Variants in DMD observed in about 807,000 individuals in gnomAD.
The protein encoded by DMD is dystrophin, also known as mutant dystrophin.
Under a neutral mutation model 330.1 loss-of-function variants are expected in DMD, and 63 were observed. That is an observed-to-expected ratio of 0.19 (90% CI 0.16 to 0.24). The LOEUF is 0.24. Ranked by LOEUF, DMD falls within the 10% of genes least tolerant of loss-of-function variation. DMD has a pLI of 1.00. For missense variants in DMD, 3,344 were observed against 2,684.1 expected, an observed-to-expected ratio of 1.25 and a Z score of -5.43; for synonymous variants, 1,223 against 959.8, an observed-to-expected ratio of 1.27 and a Z score of -5.07.
At chrX:32,829,771 A>G (rs2079018410) in intron 4 of DMD, among the ~76,000 whole-genome samples, 2 of 111,672 alleles carry the variant, frequency 1.8e-5, no homozygotes, top group South Asian at 7.3e-4. Flanking sequence ...GTTCATGAAC[A>G]TTTTACATTT....
chrX:32,019,738 T>G (rs1218186584), intron 44 of DMD, among the ~76,000 whole-genome samples: 2 of 112,612 alleles, frequency 1.8e-5, no homozygotes, highest in East Asian at 5.6e-4. Flanking sequence ...TGTTCAACAC[T>G]GAGACTGTAA....
intron 2 of DMD, among the ~76,000 whole-genome samples, chrX:32,969,124 A>C (rs372856996): frequency 5.0e-4 from 53 of 105,643 alleles, no homozygotes; most frequent in African/African-American, 1.8e-3. Context: ...GTCACTGAGG[A>C]AGCGGGCTCA....
chrX:32,205,005 T>TCTCTCTCTCTCTCACACA (rs60181300), intron 44 of DMD, among the ~76,000 whole-genome samples: 4 of 29,220 alleles, frequency 1.4e-4, no homozygotes, highest in African/African-American at 1.1e-4. Context: ...TCTCTCTCTC[T>TCTCTCTCTCTCTCACACA]CACATACACA....
At position 32,694,680 on chromosome X, in the gene DMD, G is replaced by A. The variant is rs774489226; in HGVS notation, c.960+3190C>T. The stretch of plus-strand genomic sequence containing the variant: ...TTTTTATTTATGTATTTTTGAGACA[G>A]AGTTTCACTCTTGTTGCCCATGCTG... On this transcript the variant is annotated intron_variant, in intron 9 of 78. Coordinates refer to ENST00000357033, the MANE Select transcript of DMD (RefSeq NM_004006.3). Among the ~76,000 whole-genome samples the A allele has an allele frequency of 4.5e-5, 5 of 111,847 alleles. No homozygotes were observed. The South Asian group carries it at 1.5e-3, about 33-fold the overall frequency.
At chrX:31,749,606 A>C (rs1214593306) in intron 51 of DMD, among the ~76,000 whole-genome samples, 36 of 110,337 alleles carry the variant, frequency 3.3e-4, no homozygotes, top group East Asian at 1.5e-3. Flanking sequence ...ATAAACATAC[A>C]TGTGCATGTG....
At chrX:32,977,904 A>G (rs2147189346) in intron 2 of DMD, among the ~76,000 whole-genome samples, 1 of 111,811 alleles carries the variant, frequency 8.9e-6, no homozygotes, top group Admixed American at 9.6e-5. Context: ...AATACTAAAG[A>G]AAAAATACAT....
chrX:31,625,750 T>C (rs186176950), intron 55 of DMD, among the ~76,000 whole-genome samples: 25 of 111,722 alleles, frequency 2.2e-4, no homozygotes, highest in African/African-American at 8.1e-4. Flanking sequence ...TTTCATTATA[T>C]AATACAGCAG....
At chrX:31,518,733 A>C (rs2072479314) in intron 55 of DMD, among the ~76,000 whole-genome samples, 1 of 110,753 alleles carries the variant, frequency 9.0e-6, no homozygotes, top group African/African-American at 3.3e-5. Context: ...CTTTACACCA[A>C]CTCTATGAAA....
At chrX:31,245,951 C>T (rs1343968169) in intron 63 of DMD, among the ~76,000 whole-genome samples, 1 of 111,778 alleles carries the variant, frequency 8.9e-6, no homozygotes, top group Non-Finnish European at 1.9e-5. Context: ...CACTTTACAT[C>T]AGAAGCTATT....
intron 57 of DMD, among the ~76,000 whole-genome samples, chrX:31,485,741 A>T (rs1254760271): frequency 8.9e-6 from 1 of 111,889 alleles, no homozygotes; most frequent in Non-Finnish European, 1.9e-5. Context: ...TGTGAGTAAA[A>T]GCCCGTGCTT....
At chrX:32,980,481 G>A (rs1459221863) in intron 2 of DMD, among the ~76,000 whole-genome samples, 1 of 107,885 alleles carries the variant, frequency 9.3e-6, no homozygotes, top group African/African-American at 3.4e-5. Flanking sequence ...AATGAACATC[G>A]TTAGAACTCC....
intron 47 of DMD, among the ~76,000 whole-genome samples, chrX:31,912,107 C>T (rs1344972431): frequency 3.6e-5 from 4 of 111,178 alleles, no homozygotes; most frequent in Non-Finnish European, 7.5e-5. Context: ...CTTTCCAAAG[C>T]CAAACTTGTA....
chrX:32,923,303 G>A (rs1162538890), intron 2 of DMD, among the ~76,000 whole-genome samples: 1 of 111,665 alleles, frequency 9.0e-6, no homozygotes, highest in Non-Finnish European at 1.9e-5. Flanking sequence ...GCTCACACCT[G>A]TAATCTCAAT....
At chrX:31,794,618 T>C (rs912589686) in intron 50 of DMD, among the ~76,000 whole-genome samples, 2 of 111,938 alleles carry the variant, frequency 1.8e-5, no homozygotes, top group East Asian at 5.6e-4. Context: ...ATAATCTCTT[T>C]TTATTAGGTC....
intron 7 of DMD, among the ~76,000 whole-genome samples, chrX:32,715,470 A>AAC (rs2065616324): frequency 3.9e-5 from 2 of 50,980 alleles, no homozygotes; most frequent in Non-Finnish European, 6.1e-5. Context: ...AGATTCCATC[A>AAC]AAAAAAAAAA....
At chrX:32,735,162 A>G (rs2068275266) in intron 7 of DMD, among the ~76,000 whole-genome samples, 1 of 108,261 alleles carries the variant, frequency 9.2e-6, no homozygotes, top group African/African-American at 3.5e-5. Context: ...ACTCCCATTC[A>G]CAATTGCTTC....
At chrX:31,370,007 G>C (rs1207675675) in intron 60 of DMD, among the ~76,000 whole-genome samples, 1 of 107,255 alleles carries the variant, frequency 9.3e-6, no homozygotes, top group African/African-American at 3.4e-5. Context: ...GCTGAGGCAG[G>C]AGAATGGCGT....
At chrX:32,978,830 C>G (rs1602370989) in intron 2 of DMD, among the ~76,000 whole-genome samples, 1 of 112,146 alleles carries the variant, frequency 8.9e-6, no homozygotes. Flanking sequence ...AAATTTCCAA[C>G]TATTGCCATT....
At chrX:31,490,541 C>T (rs1183768266) in intron 57 of DMD, among the ~76,000 whole-genome samples, 1 of 108,857 alleles carries the variant, frequency 9.2e-6, no homozygotes, top group East Asian at 2.9e-4. Flanking sequence ...GGGCTGCAGG[C>T]GAGACTCCAT....
Sources: allele counts gnomAD v4.1 joint callset (sites outside exome capture counted in the v4.1 genomes callset), GRCh38; gene constraint gnomAD v4.1.1; transcripts MANE v1.5; gene names NCBI Gene and HGNC (gene_info 2026-07-23, HGNC 2026-07-21).